The following RALGPS2 variants were observed in gnomAD, a reference collection of about 807,000 sequenced individuals.
RALGPS2 encodes ras-specific guanine nucleotide-releasing factor RalGPS2.
A neutral mutation model predicts 86.8 loss-of-function variants in RALGPS2; 43 were observed. The observed-to-expected ratio is 0.50, with a 90% CI of 0.39 to 0.64. The LOEUF (loss-of-function observed/expected upper bound fraction) is 0.64. Among genes scored for constraint, RALGPS2 ranks in the 30% least tolerant of loss-of-function variants. The pLI, the probability that RALGPS2 is intolerant of heterozygous loss-of-function variation, is 0.00. For missense variants in RALGPS2, 536 were observed against 694.6 expected, an observed-to-expected ratio of 0.77 and a Z score of 2.57; for synonymous variants, 243 against 231.3, an observed-to-expected ratio of 1.05 and a Z score of -0.46.
chr1:178,857,875 G>A (rs1268770316), intron 8 of RALGPS2, among the ~76,000 whole-genome samples: 1 of 152,092 alleles, frequency 6.6e-6, no homozygotes, highest in Non-Finnish European at 1.5e-5. Flanking sequence ...GTTCCATAGA[G>A]CTATACTCAT....
chr1:178,811,839 T>C (rs1295832472), intron 6 of RALGPS2, among the ~76,000 whole-genome samples: 1 of 152,214 alleles, frequency 6.6e-6, no homozygotes, highest in Non-Finnish European at 1.5e-5. Flanking sequence ...TACCACATTG[T>C]TAACTGAACA....
chr1:178,854,597 A>G (rs929000263), intron 8 of RALGPS2, among the ~76,000 whole-genome samples: 1 of 152,064 alleles, frequency 6.6e-6, no homozygotes, highest in Non-Finnish European at 1.5e-5. Context: ...ACTAATAGTA[A>G]TTTTCTCATT....
chr1:178,807,127 C>T (rs1318224778), intron 4 of RALGPS2, among the ~76,000 whole-genome samples: 2 of 152,092 alleles, frequency 1.3e-5, no homozygotes, highest in Admixed American at 1.3e-4. Flanking sequence ...CAGCAAAGGA[C>T]TTCAAGTCCA....
chr1:178,845,971 AATG>A (rs1219113017), intron 8 of RALGPS2, among the ~76,000 whole-genome samples: 3 of 152,226 alleles, frequency 2.0e-5, no homozygotes, highest in Non-Finnish European at 4.4e-5. Context: ...GCATACCTAA[AATG>A]ATAAGAATCT....
At chr1:178,807,073 C>T (rs1654781895) in intron 4 of RALGPS2, among the ~76,000 whole-genome samples, 1 of 152,160 alleles carries the variant, frequency 6.6e-6, no homozygotes, top group Non-Finnish European at 1.5e-5. Context: ...TAATTCATGC[C>T]TGTAATCCCA....
chr1:178,906,656 G>A, intron 18 of RALGPS2, 120 bp from the exon 19 acceptor site: 1 of 707,598 alleles, frequency 1.4e-6, no homozygotes, highest in Non-Finnish European at 2.4e-6. Flanking sequence ...TGGAGGTGTT[G>A]AATAGAATTC....
At chr1:178,795,753 A>G (rs1004138270) in intron 4 of RALGPS2, among the ~76,000 whole-genome samples, 1 of 152,108 alleles carries the variant, frequency 6.6e-6, no homozygotes, top group Non-Finnish European at 1.5e-5. Context: ...AACAATTGAG[A>G]TATTTCCGAC....
Position 178,776,949 on chromosome 1 carries a change from T to A in RALGPS2, c.57+128T>A, listed in dbSNP as rs571328737. On this transcript the variant is annotated intron_variant, in intron 2 of 19. Transcript: ENST00000367635. ...CAGAAATACACATTTCCTTTTTTTT[T>A]AAATTTTATTTTTTTTTATACTTTA... 3.7e-4 allele frequency: 264 copies of A among 709,734 alleles called. 5 individuals carry two copies. The highest frequency in any genetic ancestry group is 2.3e-3 in the South Asian group (112 of 47,664). 44.0% of individuals were successfully genotyped at this position (709,734 alleles called of 1,614,324 possible). A position where few individuals can be genotyped will look rare whatever the true frequency, so the allele number is the denominator to read the frequency against.
intron 9 of RALGPS2, among the ~76,000 whole-genome samples, chr1:178,878,130 A>G (rs1478122164): frequency 6.6e-6 from 1 of 152,144 alleles, no homozygotes; most frequent in Non-Finnish European, 1.5e-5. Flanking sequence ...CTTGAGTCAG[A>G]CTATCGAGTA....
intron 4 of RALGPS2, 27 bp from the exon 5 acceptor site, chr1:178,808,018 A>C: frequency 6.8e-7 from 1 of 1,469,960 alleles, no homozygotes; most frequent in East Asian, 2.3e-5. Flanking sequence ...CTATTACTTA[A>C]ATTTAATTTT....
At chr1:178,773,526 T>C (rs1460591860) in intron 1 of RALGPS2, among the ~76,000 whole-genome samples, 1 of 152,246 alleles carries the variant, frequency 6.6e-6, no homozygotes, top group Non-Finnish European at 1.5e-5. Flanking sequence ...TCTCTGTCTT[T>C]TAGAACTTGT....
At chr1:178,770,888 G>T (rs1208686410) in intron 1 of RALGPS2, among the ~76,000 whole-genome samples, 1 of 150,222 alleles carries the variant, frequency 6.7e-6, no homozygotes, top group Non-Finnish European at 1.5e-5. Context: ...GCCCAGGCTG[G>T]AGTGCAGTGG....
At chr1:178,883,564 T>C in intron 11 of RALGPS2, 31 bp downstream of exon 11, 1 of 1,526,616 alleles carries the variant, frequency 6.6e-7, no homozygotes, top group Non-Finnish European at 9.1e-7. Flanking sequence ...TGTTACCAAA[T>C]CTAAATCAGA....
chr1:178,884,097 AT>A (rs1238437509), intron 11 of RALGPS2, among the ~76,000 whole-genome samples: 2 of 152,206 alleles, frequency 1.3e-5, no homozygotes, highest in Non-Finnish European at 2.9e-5. Flanking sequence ...ATAAGTAGTT[AT>A]GAATATTCAT....
At chr1:178,897,533 T>C in intron 16 of RALGPS2, 131 bp from the exon 17 acceptor site, 1 of 677,642 alleles carries the variant, frequency 1.5e-6, no homozygotes, top group South Asian at 1.9e-5. Flanking sequence ...ATTTCAGAAG[T>C]GATACAGCTC....
intron 8 of RALGPS2, among the ~76,000 whole-genome samples, chr1:178,856,196 G>GATATATATAT (rs1449088390): frequency 2.4e-5 from 1 of 41,052 alleles, no homozygotes; most frequent in African/African-American, 1.0e-4. Flanking sequence ...TTTCCAGAGA[G>GATATATATAT]AGAGAGATAT....
intron 8 of RALGPS2, chr1:178,865,254 G>C: frequency 6.2e-7 from 1 of 1,614,110 alleles, no homozygotes; most frequent in Non-Finnish European, 8.5e-7. Flanking sequence ...TTCACCTCTA[G>C]TTCCCTGTAT....
intron 17 of RALGPS2, among the ~76,000 whole-genome samples, chr1:178,899,844 C>A (rs1251227647): frequency 6.6e-6 from 1 of 151,594 alleles, no homozygotes; most frequent in Non-Finnish European, 1.5e-5. Context: ...CAATGTATGT[C>A]TTTTAGTTGA....
At chr1:178,899,836 A>G (rs983454032) in intron 17 of RALGPS2, among the ~76,000 whole-genome samples, 3 of 151,820 alleles carry the variant, frequency 2.0e-5, no homozygotes, top group African/African-American at 7.2e-5. Flanking sequence ...ACTAAATGCA[A>G]TGTATGTCTT....
Sources: allele counts gnomAD v4.1 joint callset (sites outside exome capture counted in the v4.1 genomes callset), GRCh38; gene constraint gnomAD v4.1.1; transcripts MANE v1.5; gene names NCBI Gene and HGNC (gene_info 2026-07-23, HGNC 2026-07-21).